Variants in RAP1GAP2 observed in about 807,000 individuals in gnomAD.
The protein encoded by RAP1GAP2 is rap1 GTPase-activating protein 2.
A neutral mutation model predicts 95.0 loss-of-function variants in RAP1GAP2; 27 were observed. The observed-to-expected ratio is 0.28, with a 90% CI of 0.21 to 0.39. RAP1GAP2 has a LOEUF of 0.39. RAP1GAP2 is among the 10% of genes least tolerant of loss of function. RAP1GAP2 has a pLI of 1.00. For missense variants in RAP1GAP2, 771 were observed against 970.0 expected (o/e 0.79, Z 2.72); for synonymous variants, 373 against 380.9 (o/e 0.98, Z 0.24).
chr17:2,947,666 G>C (rs188385384), intron 3 of RAP1GAP2, among the ~76,000 whole-genome samples: 1 of 152,038 alleles, frequency 6.6e-6, no homozygotes, highest in Non-Finnish European at 1.5e-5. Context: ...CCTGGTGGCC[G>C]GCTGGTTCTC....
intron 10 of RAP1GAP2, among the ~76,000 whole-genome samples, chr17:2,981,714 G>A (rs1259261866): frequency 6.6e-6 from 1 of 152,172 alleles, no homozygotes; most frequent in African/African-American, 2.4e-5. Context: ...AGCCTCTGCT[G>A]CCTTCATTTA....
chr17:2,886,921 T>C (rs2073523281), intron 2 of RAP1GAP2, among the ~76,000 whole-genome samples: 1 of 152,210 alleles, frequency 6.6e-6, no homozygotes, highest in African/African-American at 2.4e-5. Flanking sequence ...ACTTACCGTC[T>C]CTGAGCCTCA....
At chr17:2,897,287 G>A (rs757901924) in intron 2 of RAP1GAP2, among the ~76,000 whole-genome samples, 22 of 152,066 alleles carry the variant, frequency 1.4e-4, no homozygotes, top group Non-Finnish European at 2.1e-4. Context: ...GCAGTGAGCC[G>A]AGATTGTGCC....
chr17:2,761,091 A>G (rs972225244), intron 1 of RAP1GAP2, among the ~76,000 whole-genome samples: 6 of 150,904 alleles, frequency 4.0e-5, no homozygotes, highest in African/African-American at 1.5e-4. Flanking sequence ...AGTAGCTGGG[A>G]TTACAGGCGT....
At chr17:3,013,809 T>C (rs956489427) in intron 17 of RAP1GAP2, among the ~76,000 whole-genome samples, 3 of 152,084 alleles carry the variant, frequency 2.0e-5, no homozygotes, top group Non-Finnish European at 4.4e-5. Context: ...TCTTACCTGC[T>C]ATGTGGGCTT....
At chr17:2,776,734 G>GGCGGCT (rs1303508588), upstream of RAP1GAP2, among the ~76,000 whole-genome samples, 1 of 149,640 alleles carries the variant, frequency 6.7e-6, no homozygotes, top group Non-Finnish European at 1.5e-5. Flanking sequence ...TGCGGGCGGT[G>GGCGGCT]GCGGCTGCGG....
At chr17:2,766,973 A>G (rs11651607) in intron 1 of RAP1GAP2, among the ~76,000 whole-genome samples, 15,573 of 149,606 alleles carry the variant, frequency 0.1, 819 homozygotes, top group Admixed American at 0.12. Context: ...ACATCAGGGC[A>G]GCTGCACAGT....
Position 2,867,458 on chromosome 17 carries a change from G to A in RAP1GAP2, c.81-37826G>A, listed in dbSNP as rs1340725976. Among the ~76,000 whole-genome samples the A allele has an allele frequency of 6.6e-6, 1 of 152,042 alleles. No individual in the cohort carries two copies. The highest frequency in any genetic ancestry group is 1.5e-5 in the Non-Finnish European group (1 of 68,018). On this transcript the variant is annotated intron_variant, in intron 2 of 24. Transcript: ENST00000254695. This position sits in a 1 kb window ranked among gnomAD's most constrained non-coding sequence, Gnocchi z 4.5. Reference sequence around the variant, plus strand: ...ACCTTATCCACGAAGATGGACGATGGCTGCCCTGGGCTGACCTTCTACCCA... The same window carrying A: ...ACCTTATCCACGAAGATGGACGATGACTGCCCTGGGCTGACCTTCTACCCA...
chr17:2,830,486 C>T (rs28514621), intron 2 of RAP1GAP2, among the ~76,000 whole-genome samples: 3,263 of 151,894 alleles, frequency 0.021, 107 homozygotes, highest in African/African-American at 0.074. Context: ...GAGGCCGAGG[C>T]GGGCAGATCA....
chr17:2,782,504 G>T (rs1033584736), intron 1 of RAP1GAP2, among the ~76,000 whole-genome samples: 1 of 152,160 alleles, frequency 6.6e-6, no homozygotes, highest in Non-Finnish European at 1.5e-5. Flanking sequence ...CAGTAGCCTT[G>T]GTTGGCACAG....
At chr17:2,882,215 C>G (rs1358441730) in intron 2 of RAP1GAP2, among the ~76,000 whole-genome samples, 1 of 151,218 alleles carries the variant, frequency 6.6e-6, no homozygotes, top group Non-Finnish European at 1.5e-5. Context: ...CAGCCTCCAC[C>G]TCCTGGGTTC....
In RAP1GAP2 at chr17:3,029,759, C is replaced by T. The variant is rs780320999; in HGVS notation, c.2108-1163C>T. Among the ~76,000 whole-genome samples, 1 of 152,096 alleles carries T rather than the reference C, an allele frequency of 6.6e-6. No homozygotes were observed. The highest frequency in any genetic ancestry group is 1.5e-5 in the Non-Finnish European group (1 of 68,042). ...GAAAGTCAAGTGGCCCTCCTGCCAG[C>T]GGGGCACAGCGGGAAATGTTGACAC... On this transcript the variant is annotated intron_variant, in intron 22 of 24. Transcript: ENST00000254695. The surrounding 1 kb of genome is among the most constrained non-coding windows in gnomAD (Gnocchi z 4.4).
At chr17:2,768,218 T>C (rs941889904) in intron 1 of RAP1GAP2, among the ~76,000 whole-genome samples, 10 of 152,328 alleles carry the variant, frequency 6.6e-5, no homozygotes, top group Non-Finnish European at 1.5e-4. Flanking sequence ...CATTTGGAAT[T>C]CAGACAGATG....
intron 3 of RAP1GAP2, among the ~76,000 whole-genome samples, chr17:2,956,805 G>T (rs1340126217): frequency 6.6e-6 from 1 of 152,174 alleles, no homozygotes; most frequent in African/African-American, 2.4e-5. Flanking sequence ...TAGGTCAAAG[G>T]TTTGGACAAG....
chr17:2,957,487 G>A (rs1031565096), intron 3 of RAP1GAP2, among the ~76,000 whole-genome samples: 1 of 152,228 alleles, frequency 6.6e-6, no homozygotes, highest in African/African-American at 2.4e-5. Context: ...GGGCCGGCAG[G>A]CCCCTTTCCT....
rs576489979 is a variant in RAP1GAP2, at chr17:2,862,164, C to A, written c.81-43120C>A. On this transcript the variant is annotated intron_variant, in intron 2 of 24. Coordinates refer to ENST00000254695, the MANE Select transcript of RAP1GAP2 (RefSeq NM_015085.5). ...AGGGACCAGGCTCAGCCATGACCGT[C>A]CTGAAGCTGGGGCCAGGAGCCAGGG... Among the ~76,000 whole-genome samples the A allele has an allele frequency of 2.4e-4, 36 of 152,278 alleles. No individual in the cohort carries two copies. In the South Asian group the frequency reaches 7.3e-3, roughly 31 times the overall value.
chr17:3,030,445 T>C (rs2047256596), intron 22 of RAP1GAP2, among the ~76,000 whole-genome samples: 1 of 152,194 alleles, frequency 6.6e-6, no homozygotes, highest in South Asian at 2.1e-4. Flanking sequence ...CAAGTCATGA[T>C]TTGTAGCATG....
At chr17:2,905,477 T>A in intron 3 of RAP1GAP2, 109 bp downstream of exon 3, 1 of 1,057,930 alleles carries the variant, frequency 9.5e-7, no homozygotes, top group Non-Finnish European at 1.4e-6. Context: ...AGTGGGGCTG[T>A]GGAGTGTCCT....
chr17:3,027,463 T>C lies in RAP1GAP2; in HGVS notation c.2107+393T>C, dbSNP rs2047161990. Among the ~76,000 whole-genome samples, 1 of 151,636 alleles carries C rather than the reference T, an allele frequency of 6.6e-6. No homozygotes were observed. Among genetic ancestry groups the C allele is most frequent in the Non-Finnish European group, 1.5e-5 (1 of 67,900 alleles). On this transcript the variant is annotated intron_variant, in intron 22 of 24. Coordinates refer to ENST00000254695, the MANE Select transcript of RAP1GAP2 (RefSeq NM_015085.5). The surrounding 1 kb of genome is among the most constrained non-coding windows in gnomAD (Gnocchi z 5.2). ...TCTGTCATGTCGGGGGTCTTGATAA[T>C]ACAAGACGGGGGAAGGGCTGCAGGG...
Sources: allele counts gnomAD v4.1 joint callset (sites outside exome capture counted in the v4.1 genomes callset), GRCh38; gene constraint gnomAD v4.1.1; non-coding constraint Gnocchi (gnomAD v3.1); transcripts MANE v1.5; gene names NCBI Gene and HGNC (gene_info 2026-07-23, HGNC 2026-07-21).